The following BCAS3 variants were observed in gnomAD, a reference collection of about 807,000 sequenced individuals.
The protein encoded by BCAS3 is BCAS3 microtubule associated cell migration factor.
In BCAS3, 53 loss-of-function variants were observed where a neutral mutation model predicts 116.1. The observed-to-expected ratio is 0.46, with a 90% CI of 0.37 to 0.57. The LOEUF is 0.57. Among genes scored for constraint, BCAS3 ranks in the 20% least tolerant of loss-of-function variants. The pLI, the probability that BCAS3 is intolerant of heterozygous loss-of-function variation, is 0.00. For synonymous variants in BCAS3, 391 were observed against 408.2 expected (o/e 0.96, Z 0.51); for missense variants, 917 against 1,165.4 (o/e 0.79, Z 3.10).
At chr17:61,321,342 G>T (rs994377046) in intron 22 of BCAS3, among the ~76,000 whole-genome samples, 3 of 152,154 alleles carry the variant, frequency 2.0e-5, no homozygotes, top group African/African-American at 4.8e-5. Context: ...TGAGAGACTC[G>T]CATTCCTTCT....
chr17:60,769,057 T>C (rs2044389976), intron 6 of BCAS3, among the ~76,000 whole-genome samples: 1 of 152,186 alleles, frequency 6.6e-6, no homozygotes, highest in African/African-American at 2.4e-5. Context: ...TGGCAGGTTG[T>C]GTTGGCCCAA....
At chr17:61,002,752 G>A (rs1402040911) in intron 15 of BCAS3, 1 of 151,880 alleles carries the variant, frequency 6.6e-6, no homozygotes, top group East Asian at 1.9e-4. Context: ...TATGCTAAAT[G>A]TTTTTTTATT....
At chr17:61,274,065 C>T (rs555891667) in intron 22 of BCAS3, among the ~76,000 whole-genome samples, 2 of 151,096 alleles carry the variant, frequency 1.3e-5, no homozygotes, top group South Asian at 4.1e-4. Context: ...CCCATTAACT[C>T]GTCATTTAAC....
intron 22 of BCAS3, among the ~76,000 whole-genome samples, chr17:61,359,546 G>A (rs1376652889): frequency 1.3e-5 from 2 of 150,718 alleles, no homozygotes; most frequent in African/African-American, 4.9e-5. Context: ...CCAGGCTGGA[G>A]TGCGGTGCCG....
chr17:61,069,695 A>G (rs1045106958), intron 19 of BCAS3, among the ~76,000 whole-genome samples: 1 of 151,856 alleles, frequency 6.6e-6, no homozygotes. Flanking sequence ...AAAATTAGCC[A>G]GGCATGGTGG....
Position 61,151,195 on chromosome 17 carries a change from G to A in BCAS3, c.2425+66631G>A, listed in dbSNP as rs555984973. 3.3e-5 allele frequency among the ~76,000 whole-genome samples: 5 copies of A among 152,286 alleles called. No homozygotes were observed. Among genetic ancestry groups the A allele is most frequent in the African/African-American group, 9.6e-5 (4 of 41,554 alleles). On this transcript the variant is annotated intron_variant, in intron 22 of 23. Coordinates refer to ENST00000407086, the MANE Select transcript of BCAS3 (RefSeq NM_017679.5). The surrounding 1 kb of genome is among the most constrained non-coding windows in gnomAD (Gnocchi z 4.8). Reference sequence around the variant, plus strand: ...CAAAATTCAAAACTTTTTTGAGTGAGTGCCAATATTACACTCTAAGGCAAT... The same window carrying A: ...CAAAATTCAAAACTTTTTTGAGTGAATGCCAATATTACACTCTAAGGCAAT...
At chr17:61,192,435 A>G (rs1450513347) in intron 22 of BCAS3, among the ~76,000 whole-genome samples, 1 of 152,054 alleles carries the variant, frequency 6.6e-6, no homozygotes, top group African/African-American at 2.4e-5. Flanking sequence ...ATTTGTATCT[A>G]TGTACGTTGT....
At chr17:60,777,682 C>T (rs1265607260) in intron 6 of BCAS3, among the ~76,000 whole-genome samples, 1 of 151,956 alleles carries the variant, frequency 6.6e-6, no homozygotes, top group African/African-American at 2.4e-5. Flanking sequence ...CTCATTCTCA[C>T]CCTCTCTCCA....
At position 61,140,353 on chromosome 17, in the gene BCAS3, A is replaced by G. The variant is rs1031084263; in HGVS notation, c.2425+55789A>G. ...GTGAGGGATAGCTGTGGAAGATCCA[A>G]CTGTCAAGGAAGGTTAGGACCAGAC... On this transcript the variant is annotated intron_variant, in intron 22 of 23. Coordinates refer to ENST00000407086, the MANE Select transcript of BCAS3 (RefSeq NM_017679.5). This position sits in a 1 kb window ranked among gnomAD's most constrained non-coding sequence, Gnocchi z 4.2. Among the ~76,000 whole-genome samples the G allele has an allele frequency of 2.6e-5, 4 of 152,210 alleles. No individual in the cohort carries two copies. The highest frequency in any genetic ancestry group is 9.6e-5 in the African/African-American group (4 of 41,454).
intron 10 of BCAS3, among the ~76,000 whole-genome samples, chr17:60,896,485 A>G (rs2057518543): frequency 1.3e-5 from 2 of 152,098 alleles, no homozygotes; most frequent in Non-Finnish European, 2.9e-5. Flanking sequence ...TGCTTTAGGA[A>G]TCTGTGTGCT....
chr17:60,902,087 A>T (rs1567828779), intron 10 of BCAS3, among the ~76,000 whole-genome samples: 1 of 152,226 alleles, frequency 6.6e-6, no homozygotes, highest in Non-Finnish European at 1.5e-5. Flanking sequence ...AAGCTCTCTG[A>T]AGTGGACAGC....
At chr17:60,782,598 T>TTAC (rs994379858) in intron 6 of BCAS3, among the ~76,000 whole-genome samples, 3 of 145,976 alleles carry the variant, frequency 2.1e-5, no homozygotes, top group African/African-American at 7.5e-5. Context: ...ATTATTATTA[T>TTAC]TATTTTGAGA....
chr17:61,388,511 C>A lies in BCAS3; in HGVS notation c.2594-3466C>A. 1 of 1,039,852 alleles carries A rather than the reference C, an allele frequency of 9.6e-7. No individual in the cohort carries two copies. Among genetic ancestry groups the A allele is most frequent in the Non-Finnish European group, 1.4e-6 (1 of 719,714 alleles). 64.4% of individuals were successfully genotyped at this position (1,039,852 alleles called of 1,614,324 possible). ...AAACTCCCCCTCCTCACGGTGTGCC[C>A]CTGCGCCTCCTGACACCTCTCCACC... On this transcript the variant is annotated intron_variant, in intron 23 of 23. Coordinates refer to ENST00000407086, the MANE Select transcript of BCAS3 (RefSeq NM_017679.5). This position sits in a 1 kb window ranked among gnomAD's most constrained non-coding sequence, Gnocchi z 6.5.
chr17:60,868,027 GTTTTT>G (rs750908710), intron 7 of BCAS3, among the ~76,000 whole-genome samples: 1 of 140,046 alleles, frequency 7.1e-6, no homozygotes. Flanking sequence ...TTTCTTTCAT[GTTTTT>G]TTTTTTTTTG....
chr17:60,821,618 A>G (rs999910697), intron 7 of BCAS3: 1 of 151,130 alleles, frequency 6.6e-6, no homozygotes, highest in African/African-American at 2.4e-5. Context: ...TATAGTATGT[A>G]CTCTTTTTTT....
rs73993466 is a variant in BCAS3 at position 61,344,674 on chromosome 17, A to G, written c.2426-23653A>G. Among the ~76,000 whole-genome samples the G allele has an allele frequency of 0.039, 5,919 of 152,176 alleles. 428 individuals are homozygous for G. The highest frequency in any genetic ancestry group is 0.14 in the African/African-American group (5,623 of 41,496). On this transcript the variant is annotated intron_variant, in intron 22 of 23. Coordinates refer to ENST00000407086, the MANE Select transcript of BCAS3 (RefSeq NM_017679.5). The surrounding 1 kb of genome is among the most constrained non-coding windows in gnomAD (Gnocchi z 4.1). ...TTCCCAGAAGTTCGATTTAAGCTGC[A>G]GTTGAGGGATGAGCAAGGCGAAGAT...
At chr17:60,708,665 G>A (rs1044176092) in intron 4 of BCAS3, among the ~76,000 whole-genome samples, 5 of 152,004 alleles carry the variant, frequency 3.3e-5, no homozygotes, top group African/African-American at 1.2e-4. Flanking sequence ...CCATTAGCTG[G>A]GATTACAGGT....
intron 9 of BCAS3, among the ~76,000 whole-genome samples, chr17:60,886,757 G>A (rs866792051): frequency 2.0e-5 from 3 of 152,082 alleles, no homozygotes; most frequent in South Asian, 2.1e-4. Context: ...TAGGCTGCTC[G>A]GGGGTCAGGA....
intron 12 of BCAS3, among the ~76,000 whole-genome samples, chr17:60,920,539 A>G (rs1162939033): frequency 1.3e-5 from 2 of 152,174 alleles, no homozygotes; most frequent in African/African-American, 4.8e-5. Flanking sequence ...GCCACATGAG[A>G]TGCCACCTTA....
Sources: allele counts gnomAD v4.1 joint callset (sites outside exome capture counted in the v4.1 genomes callset), GRCh38; gene constraint gnomAD v4.1.1; non-coding constraint Gnocchi (gnomAD v3.1); transcripts MANE v1.5; gene names NCBI Gene and HGNC (gene_info 2026-07-23, HGNC 2026-07-21).